Variants in POGZ observed in about 807,000 individuals in gnomAD.
The protein encoded by POGZ is pogo transposable element derived with ZNF domain, also known as pogo transposable element with ZNF domain.
Under a neutral mutation model 134.6 loss-of-function variants are expected in POGZ, and 17 were observed. The ratio of observed to expected loss-of-function variants is 0.13; its 90% CI spans 0.09 to 0.19. The LOEUF is 0.19. Ranked by LOEUF, POGZ falls within the 10% of genes least tolerant of loss-of-function variation. POGZ has a pLI of 1.00. For synonymous variants in POGZ, 693 were observed against 657.1 expected, an observed-to-expected ratio of 1.05 and a Z score of -0.84; for missense variants, 1,306 against 1,769.7, an observed-to-expected ratio of 0.74 and a Z score of 4.70.
Position 151,411,576 on chromosome 1 carries a change from TA to T in POGZ, c.1926+48del, listed in dbSNP as rs78077948. On this transcript the variant is annotated intron_variant, in intron 12 of 18. Transcript: ENST00000271715. ...CAGCCCTGGCCCCAGCATCCATGTTTAAAAAAAAAAAAAACAAGAGAATATG... is the reference window on the plus strand; with the variant it reads ...CAGCCCTGGCCCCAGCATCCATGTTTAAAAAAAAAAAAACAAGAGAATATG... The T allele has an allele frequency of 0.075, 78,183 of 1,045,092 alleles. No individual in the cohort carries two copies. Among genetic ancestry groups the T allele is most frequent in the South Asian group, 0.11 (6,282 of 57,112 alleles). The allele number at this position is 1,045,092 out of a possible 1,614,324, so 64.7% of individuals were successfully genotyped here.
At chr1:151,449,942 T>C in intron 1 of POGZ, among the ~76,000 whole-genome samples, 1 of 152,010 alleles carries the variant, frequency 6.6e-6, no homozygotes, top group East Asian at 1.9e-4. Flanking sequence ...AATGGTTATA[T>C]CTTGTATGTT....
In POGZ at chr1:151,408,395, A is replaced by G. The variant is rs1166366754; in HGVS notation, c.2234+14T>C. 1.3e-6 allele frequency: 2 copies of G among 1,579,642 alleles called. No homozygotes were observed. Among genetic ancestry groups the G allele is most frequent in the Admixed American group, 2.0e-5 (1 of 50,882 alleles). On this transcript the variant is annotated intron_variant, in intron 14 of 18. Coordinates refer to ENST00000271715, the MANE Select transcript of POGZ (RefSeq NM_015100.4). ...CAGTCCCCACCCGCCCAGCACTTAG[A>G]AGAAGGCGCTGACATTTTCCTAACA...
intron 7 of POGZ, among the ~76,000 whole-genome samples, chr1:151,425,890 C>G (rs140102439): frequency 6.6e-6 from 1 of 152,144 alleles, no homozygotes; most frequent in East Asian, 1.9e-4. Context: ...CTGGAGCATA[C>G]AACAATTCTA....
At chr1:151,441,446 G>A (rs1660510486) in intron 2 of POGZ, among the ~76,000 whole-genome samples, 1 of 152,248 alleles carries the variant, frequency 6.6e-6, no homozygotes, top group South Asian at 2.1e-4. Context: ...ACCCTGAACT[G>A]TGCCCTATTT....
In POGZ at chr1:151,428,396, C is replaced by T. The variant is rs1275418498; in HGVS notation, c.586G>A (p.Val196Ile). Reference sequence around the variant, plus strand: ...TGTGGAACTCCAACTGTCGGCTTAACAAACTGGGTACCTGGGGCTTTAAAA... The same window carrying T: ...TGTGGAACTCCAACTGTCGGCTTAATAAACTGGGTACCTGGGGCTTTAAAA... The part of the protein sequence containing the change: ...TLVPAPGTQF[V>I]KPTVGVPQVF... The change falls in exon 6 of 19, where the codon GTT becomes ATT. Residue 196 changes from valine to isoleucine, a missense_variant. Physicochemically the swap from Val to Ile is conservative, Grantham distance 29 (BLOSUM62 3). Coordinates refer to ENST00000271715, the MANE Select transcript of POGZ (RefSeq NM_015100.4). 3 of 1,613,640 alleles carry T rather than the reference C, an allele frequency of 1.9e-6. No individual in the cohort carries two copies. The highest frequency in any genetic ancestry group is 2.2e-5 in the South Asian group (2 of 91,084).
Position 151,406,142 on chromosome 1 carries a change from C to T in POGZ, c.2893G>A (p.Gly965Ser), listed in dbSNP as rs1024583226. 6 of 1,614,084 alleles carry T rather than the reference C, an allele frequency of 3.7e-6. No individual in the cohort carries two copies. The highest frequency in any genetic ancestry group is 1.1e-5 in the South Asian group (1 of 91,094). ...AGCTGCTCCTTTTTGCCAACTCCAC[C>T]ACTACCACCACCACCTGATGCTAGC... ...PELASGGGGSGGVGKKEQLSV... is the reference protein window; with the variant it reads ...PELASGGGGSSGVGKKEQLSV... Residue 965 changes from glycine to serine, a missense_variant, in exon 19 of 19, where the codon GGT becomes AGT. Physicochemically the swap from Gly to Ser is moderately conservative, Grantham distance 56. This residue lies in a region of POGZ where 214 missense variants were observed against 255.5 expected (regional missense o/e 0.84). Transcript: ENST00000271715.
At chr1:151,413,102 GCTTT>G (rs1291676429) in intron 10 of POGZ, among the ~76,000 whole-genome samples, 1 of 127,884 alleles carries the variant, frequency 7.8e-6, no homozygotes, top group Non-Finnish European at 1.6e-5. Context: ...CCGTGCCTGG[GCTTT>G]TTTTTTTTTT....
At chr1:151,458,308 C>T (rs1189180609) in intron 1 of POGZ, among the ~76,000 whole-genome samples, 1 of 152,014 alleles carries the variant, frequency 6.6e-6, no homozygotes, top group East Asian at 1.9e-4. Flanking sequence ...AACATGGCGC[C>T]CACCGCGGCA....
At chr1:151,421,767 T>A (rs1020529216) in intron 10 of POGZ, among the ~76,000 whole-genome samples, 11 of 152,184 alleles carry the variant, frequency 7.2e-5, no homozygotes, top group Admixed American at 5.9e-4. Flanking sequence ...TTTTCTTTTG[T>A]TTTGAGACAG....
chr1:151,435,498 C>CTT (rs60354484), intron 3 of POGZ, among the ~76,000 whole-genome samples: 297 of 146,860 alleles, frequency 2.0e-3, no homozygotes, highest in African/African-American at 4.6e-3. Context: ...TGATACTTTC[C>CTT]TTTTTTTTTT....
rs535970853 is a variant in POGZ, at chr1:151,441,796, T to C, written c.124+285A>G. The stretch of plus-strand genomic sequence containing the variant: ...ACACACACACCACCACTTTGAATTC[T>C]TGTTCATACATCTTTTAGTAAGAAG... On this transcript the variant is annotated intron_variant, in intron 2 of 18. Coordinates refer to ENST00000271715, the MANE Select transcript of POGZ (RefSeq NM_015100.4). 4.6e-5 allele frequency among the ~76,000 whole-genome samples: 7 copies of C among 152,344 alleles called. No homozygotes were observed. The South Asian group carries it at 1.5e-3, about 32-fold the overall frequency.
chr1:151,408,493 G>A lies in POGZ; in HGVS notation c.2150C>T (p.Pro717Leu), dbSNP rs1064795463. 6.9e-6 allele frequency: 11 copies of A among 1,592,524 alleles called. No homozygotes were observed. The highest frequency in any genetic ancestry group is 1.4e-5 in the African/African-American group (1 of 73,236). Residue 717 changes from proline (P) to leucine (L), a missense_variant, in exon 14 of 19, where the codon CCG becomes CTG. Transcript: ENST00000271715. ...CAGAGGGTCCATTGAGGAGGTCAGC[G>A]GTGCTGCCTCCTGCAAGGCGCTGGG... ...TPPSALQEAA[P>L]LTSSMDPLPV...
chr1:151,454,202 T>C (rs1472351453), intron 1 of POGZ, among the ~76,000 whole-genome samples: 1 of 152,176 alleles, frequency 6.6e-6, no homozygotes, highest in Non-Finnish European at 1.5e-5. Context: ...AGGAAAAATA[T>C]TTTACAGAAA....
intron 1 of POGZ, chr1:151,454,821 G>A (rs942473870): frequency 6.6e-6 from 1 of 152,184 alleles, no homozygotes; most frequent in South Asian, 2.1e-4. Context: ...ATAAAAATAC[G>A]TTTTTCAGTT....
chr1:151,441,317 A>T (rs1320670190), intron 2 of POGZ, among the ~76,000 whole-genome samples: 1 of 152,198 alleles, frequency 6.6e-6, no homozygotes, highest in East Asian at 1.9e-4. Flanking sequence ...TACATCACGG[A>T]GCCCACTGAA....
Position 151,408,538 on chromosome 1 carries a change from A to G in POGZ, c.2105T>C (p.Val702Ala). ...ASRGQPRTVP[V>A]SSNDTPPSAL... ...GCTGGGAGGTGTATCATTAGAGGAT[A>G]CAGGAACAGTTCGTGGCTGCCCTCG... The change falls in exon 14 of 19, where the codon GTA becomes GCA. Residue 702 changes from valine (V) to alanine (A), a missense_variant. Physicochemically the swap from Val to Ala is moderately conservative, Grantham distance 64. This residue lies in a region of POGZ where 149 missense variants were observed against 237.5 expected (regional missense o/e 0.63). Transcript: ENST00000271715. 1 of 1,607,632 alleles carries G rather than the reference A, an allele frequency of 6.2e-7. No homozygotes were observed. The highest frequency in any genetic ancestry group is 2.2e-5 in the East Asian group (1 of 44,866).
chr1:151,403,548 G>A lies in POGZ; in HGVS notation c.*1254C>T, dbSNP rs1225996354. The A allele has an allele frequency of 2.0e-6, 2 of 985,132 alleles. No individual in the cohort carries two copies. The highest frequency in any genetic ancestry group is 1.7e-5 in the African/African-American group (1 of 57,156). The allele number at this position is 985,132 out of a possible 1,614,324, so 61.0% of individuals were successfully genotyped here. On this transcript the variant is annotated 3_prime_UTR_variant, in exon 19 of 19. Coordinates refer to ENST00000271715, the MANE Select transcript of POGZ (RefSeq NM_015100.4). ...AGTACGTTTTGGTTTACAACCATGA[G>A]TACATACAATTAAAAAAATCCCTCA...
intron 10 of POGZ, among the ~76,000 whole-genome samples, chr1:151,416,873 C>T (rs1411079665): frequency 6.6e-6 from 1 of 152,124 alleles, no homozygotes; most frequent in Non-Finnish European, 1.5e-5. Flanking sequence ...CTCAAGCAAT[C>T]CTCACGCCTT....
chr1:151,420,352 T>C (rs1434982964), intron 10 of POGZ, among the ~76,000 whole-genome samples: 1 of 152,202 alleles, frequency 6.6e-6, no homozygotes, highest in Admixed American at 6.5e-5. Flanking sequence ...AGTCTTGCTC[T>C]GTTATCCAAG....
Sources: allele counts gnomAD v4.1 joint callset (sites outside exome capture counted in the v4.1 genomes callset), GRCh38; gene constraint gnomAD v4.1.1; regional missense constraint gnomAD v4.1.1; transcripts MANE v1.5; gene names NCBI Gene and HGNC (gene_info 2026-07-23, HGNC 2026-07-21).